SGCD: variants seen among roughly 807,000 people sequenced by gnomAD.
SGCD encodes the protein delta-sarcoglycan.
A neutral mutation model predicts 36.6 loss-of-function variants in SGCD; 18 were observed. The observed-to-expected ratio is 0.49, with a 90% CI of 0.34 to 0.73. The LOEUF is 0.73. Ranked by LOEUF, SGCD falls within the 30% of genes least tolerant of loss-of-function variation. The pLI, the probability that SGCD is intolerant of heterozygous loss-of-function variation, is 0.01. For synonymous variants in SGCD, 133 were observed against 130.6 expected (o/e 1.02, Z -0.12); for missense variants, 387 against 346.7 (o/e 1.12, Z -0.92).
intron 2 of SGCD, among the ~76,000 whole-genome samples, chr5:156,332,796 G>A (rs1768133267): frequency 6.6e-6 from 1 of 152,112 alleles, no homozygotes; most frequent in Non-Finnish European, 1.5e-5. Flanking sequence ...CAATCTCTGG[G>A]GAAGGGAATT....
At chr5:156,554,589 G>GTA (rs528104785) in intron 4 of SGCD, among the ~76,000 whole-genome samples, 16 of 148,776 alleles carry the variant, frequency 1.1e-4, no homozygotes, top group East Asian at 7.8e-4. Flanking sequence ...ATGCATATGT[G>GTA]TATATATATA....
intron 3 of SGCD, among the ~76,000 whole-genome samples, chr5:156,274,633 G>A (rs1054119254): frequency 4.6e-5 from 7 of 152,082 alleles, no homozygotes; most frequent in East Asian, 1.9e-4. Flanking sequence ...TAAACTCTTA[G>A]TTAGACAAGC....
At chr5:156,585,038 T>C (rs2436327) in intron 4 of SGCD, among the ~76,000 whole-genome samples, 20,326 of 152,114 alleles carry the variant, frequency 0.13, 1,465 homozygotes, top group Admixed American at 0.17. Context: ...AAAGAAATCA[T>C]TGAGAGAAAA....
At chr5:156,561,198 C>T (rs953261585) in intron 4 of SGCD, among the ~76,000 whole-genome samples, 2 of 152,296 alleles carry the variant, frequency 1.3e-5, no homozygotes, top group Admixed American at 1.3e-4. Context: ...CATTACAGGG[C>T]TTTGGAAGTC....
chr5:156,504,392 GTA>G (rs59580975), intron 3 of SGCD, among the ~76,000 whole-genome samples: 3,676 of 74,816 alleles, frequency 0.049, 43 homozygotes, highest in Middle Eastern at 0.13. Flanking sequence ...GTGTGTGTGT[GTA>G]TATATATATA....
the SGCD span, among the ~76,000 whole-genome samples, chr5:155,846,927 A>G: frequency 1.3e-5 from 2 of 152,188 alleles, no homozygotes; most frequent in Non-Finnish European, 2.9e-5. Flanking sequence ...TTCATTGCTC[A>G]ACAAGAATTT....
chr5:155,975,562 G>T (rs13179859), intron 1 of SGCD, among the ~76,000 whole-genome samples: 84,500 of 142,552 alleles, frequency 0.59, 25,420 homozygotes, highest in African/African-American at 0.79. Flanking sequence ...TCTTAAATGC[G>T]TTTACTATAT....
chr5:156,146,400 T>A (rs1389762676), intron 3 of SGCD, among the ~76,000 whole-genome samples: 1 of 152,152 alleles, frequency 6.6e-6, no homozygotes, highest in Non-Finnish European at 1.5e-5. Context: ...GTTAACCGAA[T>A]GTTACAAAGC....
At chr5:156,402,764 A>G (rs928946938) in intron 3 of SGCD, among the ~76,000 whole-genome samples, 2 of 152,146 alleles carry the variant, frequency 1.3e-5, no homozygotes, top group African/African-American at 4.8e-5. Flanking sequence ...TCTGCAGGGG[A>G]AAGTCCCCAC....
chr5:155,862,629 C>A, the SGCD span, among the ~76,000 whole-genome samples: 1 of 152,224 alleles, frequency 6.6e-6, no homozygotes, highest in Non-Finnish European at 1.5e-5. Flanking sequence ...CTGTGCCCAG[C>A]CAGCTTTCAC....
intron 3 of SGCD, among the ~76,000 whole-genome samples, chr5:156,301,147 C>T (rs964688810): frequency 5.3e-5 from 8 of 151,828 alleles, no homozygotes; most frequent in Admixed American, 3.9e-4. Flanking sequence ...TTTTCTAGTT[C>T]TATTATTGTC....
At chr5:155,993,105 C>T (rs894814381) in intron 1 of SGCD, among the ~76,000 whole-genome samples, 1 of 152,104 alleles carries the variant, frequency 6.6e-6, no homozygotes, top group Non-Finnish European at 1.5e-5. Context: ...GTTTACCATG[C>T]CTCACCTATT....
chr5:156,633,383 C>A (rs1457384814), intron 6 of SGCD, among the ~76,000 whole-genome samples: 3 of 152,112 alleles, frequency 2.0e-5, no homozygotes, highest in Non-Finnish European at 4.4e-5. Flanking sequence ...CTTTATTATT[C>A]CATGGTGGTC....
Position 156,057,829 on chromosome 5 carries a change from A to T in SGCD, c.-281-60049A>T, listed in dbSNP as rs926441086. 1.4e-5 allele frequency among the ~76,000 whole-genome samples: 2 copies of T among 145,780 alleles called. 1 individual carries two copies. Among genetic ancestry groups the T allele is most frequent in the Non-Finnish European group, 3.1e-5 (2 of 64,816 alleles). ...TGTTTAAAACCATGAGTACCTAAGAATGCTAAAAAAAAATCAATCACTGGT... is the reference window on the plus strand; with the variant it reads ...TGTTTAAAACCATGAGTACCTAAGATTGCTAAAAAAAAATCAATCACTGGT... On this transcript the variant is annotated intron_variant, in intron 1 of 9. Transcript: ENST00000517913.
chr5:156,374,666 T>A (rs1419866463), intron 3 of SGCD, among the ~76,000 whole-genome samples: 1 of 150,266 alleles, frequency 6.7e-6, no homozygotes. Flanking sequence ...CCCTGTCTTT[T>A]TTTTTTTTTT....
At chr5:156,598,622 C>G (rs901613648) in intron 6 of SGCD, among the ~76,000 whole-genome samples, 3 of 152,218 alleles carry the variant, frequency 2.0e-5, no homozygotes, top group African/African-American at 4.8e-5. Context: ...GGTGTTATCT[C>G]ACACCCAGAT....
At chr5:156,406,819 TACACACACACAC>T (rs58920671) in intron 3 of SGCD, among the ~76,000 whole-genome samples, 16 of 104,294 alleles carry the variant, frequency 1.5e-4, no homozygotes, top group Middle Eastern at 5.6e-3. Context: ...TATATATATA[TACACACACACAC>T]ACACACACAC....
chr5:156,252,615 T>C (rs1430047982), intron 3 of SGCD, among the ~76,000 whole-genome samples: 3 of 152,186 alleles, frequency 2.0e-5, no homozygotes, highest in Admixed American at 2.0e-4. Context: ...TCAAACTTTT[T>C]AAGAACCCCT....
At chr5:155,912,019 T>C (rs1273754743) in intron 1 of SGCD, among the ~76,000 whole-genome samples, 4 of 152,016 alleles carry the variant, frequency 2.6e-5, no homozygotes, top group Non-Finnish European at 5.9e-5. Flanking sequence ...ACTTTCCTCT[T>C]TCCAGGTGCC....
Sources: allele counts gnomAD v4.1 joint callset (sites outside exome capture counted in the v4.1 genomes callset), GRCh38; gene constraint gnomAD v4.1.1; transcripts MANE v1.5; gene names NCBI Gene and HGNC (gene_info 2026-07-23, HGNC 2026-07-21).